The following CAST variants were observed in gnomAD, a reference collection of about 807,000 sequenced individuals.
CAST encodes MIR583 host.
Under a neutral mutation model 119.6 loss-of-function variants are expected in CAST, and 76 were observed. The ratio of observed to expected loss-of-function variants is 0.64; its 90% CI spans 0.53 to 0.77. The LOEUF (loss-of-function observed/expected upper bound fraction) is 0.77. Among genes scored for constraint, CAST ranks in the 30% least tolerant of loss-of-function variants. The pLI is 0.00. For synonymous variants in CAST, 319 were observed against 331.6 expected (o/e 0.96, Z 0.41); for missense variants, 953 against 946.5 (o/e 1.01, Z -0.09).
the CAST span, among the ~76,000 whole-genome samples, chr5:96,192,084 A>T: frequency 1.3e-5 from 2 of 152,162 alleles, no homozygotes; most frequent in Non-Finnish European, 2.9e-5. Context: ...TAAATTATAG[A>T]TGAGAAAACA....
At chr5:96,579,383 G>T (rs1389003630) in intron 1 of CAST, among the ~76,000 whole-genome samples, 2 of 152,186 alleles carry the variant, frequency 1.3e-5, no homozygotes, top group Non-Finnish European at 2.9e-5. Context: ...CAGGAGAATA[G>T]TCACCACCTG....
chr5:96,534,743 A>AGAGAGAG lies in CAST; in HGVS notation c.60+4863_60+4864insGAGAGAG, dbSNP rs1554066267. ...AGAGAGAGAGAGAGAGAGAGAGAGA[A>AGAGAGAG]AGAAAGAAAGAAAGAAAGAAAGAAA... On this transcript the variant is annotated intron_variant, in intron 1 of 11. Coordinates refer to the CAST transcript ENST00000505143. Among the ~76,000 whole-genome samples, 53 of 56,584 alleles carry AGAGAGAG rather than the reference A, an allele frequency of 9.4e-4. 7 individuals carry two copies. Among genetic ancestry groups the AGAGAGAG allele is most frequent in the South Asian group, 4.5e-3 (5 of 1,108 alleles). 37.1% of individuals were successfully genotyped at this position (56,584 alleles called of 152,430 possible). A position where few individuals can be genotyped will look rare whatever the true frequency, so the allele number is the denominator to read the frequency against.
chr5:96,116,083 G>A, the CAST span, among the ~76,000 whole-genome samples: 2 of 152,054 alleles, frequency 1.3e-5, no homozygotes, highest in African/African-American at 2.4e-5. Flanking sequence ...AGTAGCCTTT[G>A]TGCCCCTTTG....
chr5:96,011,320 G>A, the CAST span, among the ~76,000 whole-genome samples: 1 of 152,130 alleles, frequency 6.6e-6, no homozygotes, highest in Non-Finnish European at 1.5e-5. Flanking sequence ...TACATTAAAT[G>A]ACAGAATCAA....
chr5:96,339,500 G>C, the CAST span, among the ~76,000 whole-genome samples: 7 of 152,142 alleles, frequency 4.6e-5, no homozygotes, highest in African/African-American at 1.7e-4. Flanking sequence ...GGAGAATTAA[G>C]TGATTAAGCT....
In CAST at chr5:96,574,762, T is replaced by C. The variant is rs1417227334; in HGVS notation, c.60+44882T>C. ...CATCTTTTTGGATATGGATGTCCAA[T>C]TGCTCCAGGATTTGTCAAAAAGACT... On this transcript the variant is annotated intron_variant, in intron 1 of 11. Transcript: ENST00000505143. Among the ~76,000 whole-genome samples the C allele has an allele frequency of 3.9e-5, 6 of 152,180 alleles. No individual in the cohort carries two copies. In the East Asian group the frequency reaches 9.6e-4, roughly 24 times the overall value.
chr5:96,160,227 G>A, the CAST span, among the ~76,000 whole-genome samples: 29 of 151,604 alleles, frequency 1.9e-4, no homozygotes, highest in Non-Finnish European at 1.3e-4. Flanking sequence ...ACATCTCACC[G>A]CCCAAAAATG....
the CAST span, among the ~76,000 whole-genome samples, chr5:96,376,594 C>G: frequency 1.3e-5 from 2 of 152,120 alleles, no homozygotes; most frequent in South Asian, 2.1e-4. Flanking sequence ...GCATGCACCA[C>G]TATGCCTGGT....
intron 1 of CAST, among the ~76,000 whole-genome samples, chr5:96,571,272 T>C (rs748659072): frequency 9.2e-5 from 14 of 152,270 alleles, no homozygotes; most frequent in Non-Finnish European, 1.9e-4. Context: ...CATAAACCAA[T>C]AGCCTAGTCA....
At chr5:96,670,718 G>A (rs1336083260) in intron 1 of CAST, among the ~76,000 whole-genome samples, 1 of 152,200 alleles carries the variant, frequency 6.6e-6, no homozygotes, top group Non-Finnish European at 1.5e-5. Flanking sequence ...GGCTGGTCTC[G>A]AACTCCTGAT....
At chr5:96,402,934 T>C in the CAST span, among the ~76,000 whole-genome samples, 32 of 152,294 alleles carry the variant, frequency 2.1e-4, no homozygotes, top group Non-Finnish European at 4.4e-5. Context: ...TTTATTGAAA[T>C]GCTTGCTTCC....
chr5:96,168,537 G>T, the CAST span, among the ~76,000 whole-genome samples: 28 of 152,312 alleles, frequency 1.8e-4, no homozygotes, highest in Non-Finnish European at 5.9e-5. Flanking sequence ...AGGTAGTGGA[G>T]CGGGGCAGAG....
the CAST span, among the ~76,000 whole-genome samples, chr5:96,067,412 G>A: frequency 6.6e-6 from 1 of 152,076 alleles, no homozygotes; most frequent in Non-Finnish European, 1.5e-5. Flanking sequence ...CTTCAGTAAG[G>A]GAAATACTTT....
At chr5:96,687,188 T>C (rs1031219959) in intron 2 of CAST, among the ~76,000 whole-genome samples, 2 of 152,132 alleles carry the variant, frequency 1.3e-5, no homozygotes, top group African/African-American at 4.8e-5. Flanking sequence ...ACCTGGCGGA[T>C]GGTGGAGGAT....
At chr5:96,346,722 G>A in the CAST span, among the ~76,000 whole-genome samples, 1 of 152,106 alleles carries the variant, frequency 6.6e-6, no homozygotes, top group East Asian at 1.9e-4. Flanking sequence ...AGCAATATCT[G>A]GGCTATACAG....
chr5:95,997,155 T>C, the CAST span, among the ~76,000 whole-genome samples: 1 of 152,156 alleles, frequency 6.6e-6, no homozygotes, highest in African/African-American at 2.4e-5. Context: ...TCAGGATTCA[T>C]TTTCCATGCA....
the CAST span, among the ~76,000 whole-genome samples, chr5:96,282,527 T>C: frequency 3.9e-5 from 6 of 152,208 alleles, no homozygotes; most frequent in Non-Finnish European, 8.8e-5. Context: ...CTGGATACTG[T>C]CGTCAGAAAT....
the CAST span, among the ~76,000 whole-genome samples, chr5:96,175,024 CAT>C: frequency 6.6e-6 from 1 of 152,002 alleles, no homozygotes; most frequent in Non-Finnish European, 1.5e-5. Context: ...TATATGAAAA[CAT>C]ATTTAACTTC....
chr5:96,701,832 G>C (rs1215474484), intron 3 of CAST, among the ~76,000 whole-genome samples: 2 of 151,544 alleles, frequency 1.3e-5, no homozygotes, highest in East Asian at 3.9e-4. Flanking sequence ...TATAAGGACA[G>C]GGTCTTCTGC....
Sources: gnomAD v4.1 joint callset for allele counts (sites outside exome capture counted in the v4.1 genomes callset) on GRCh38, gnomAD v4.1.1 for gene constraint, MANE v1.5 for transcripts, NCBI Gene and HGNC (gene_info 2026-07-23, HGNC 2026-07-21) for gene names.